The following PARVB variants were observed in gnomAD, a reference collection of about 807,000 sequenced individuals.
PARVB encodes beta-parvin.
A neutral mutation model predicts 47.0 loss-of-function variants in PARVB; 46 were observed. The ratio of observed to expected loss-of-function variants is 0.98; its 90% CI spans 0.77 to 1.25. The LOEUF (loss-of-function observed/expected upper bound fraction) is 1.25, where lower values mean the gene tolerates loss of function less well. Among genes scored for constraint, PARVB ranks in the 50% most tolerant of loss-of-function variants. The pLI is 0.00. For missense variants in PARVB, 473 were observed against 471.6 expected (o/e 1.00, Z -0.03); for synonymous variants, 196 against 196.3 (o/e 1.00, Z 0.01).
At chr22:43,999,434 C>T (rs560289125) in intron 1 of PARVB, 76 of 1,597,472 alleles carry the variant, frequency 4.8e-5, no homozygotes, top group Middle Eastern at 1.7e-4. Flanking sequence ...TTAAACAAAA[C>T]GAATGTTGTT....
In PARVB at chr22:44,133,004, G is replaced by T; in HGVS notation, c.628G>T (p.Val210Leu). 4 of 1,610,348 alleles carry T rather than the reference G, an allele frequency of 2.5e-6. No homozygotes were observed. The highest frequency in any genetic ancestry group is 3.4e-6 in the Non-Finnish European group (4 of 1,177,424). The change falls in exon 6 of 13, where the codon GTG becomes TTG. Residue 210 changes from valine (V) to leucine (L), a missense_variant. By Grantham distance (32) the Val-to-Leu change is conservative. Transcript: ENST00000338758. ...PEHVTVQVVVVRKREGLLHSS... is the reference protein window; with the variant it reads ...PEHVTVQVVVLRKREGLLHSS... ...GCATGTAACGGTGCAGGTGGTGGTCGTGCGGGTGAGTATAACCGAGTGGTC... is the reference window on the plus strand; with the variant it reads ...GCATGTAACGGTGCAGGTGGTGGTCTTGCGGGTGAGTATAACCGAGTGGTC...
At chr22:44,020,210 T>C (rs2050632199), upstream of PARVB, among the ~76,000 whole-genome samples, 2 of 149,302 alleles carry the variant, frequency 1.3e-5, no homozygotes, top group African/African-American at 5.0e-5. Flanking sequence ...AGGGTCTGGC[T>C]CTGTTGCCCA....
In PARVB at chr22:44,060,861, G is replaced by A. The variant is rs563927995; in HGVS notation, c.113-33067G>A. Among the ~76,000 whole-genome samples the A allele has an allele frequency of 3.7e-4, 57 of 152,268 alleles. No individual in the cohort carries two copies. In the South Asian group the frequency reaches 0.011, roughly 29 times the overall value. On this transcript the variant is annotated intron_variant, in intron 1 of 12. Coordinates refer to ENST00000338758, the MANE Select transcript of PARVB (RefSeq NM_013327.5). ...AGCCAATACTGAGCCATCACTCCTA[G>A]GGCAGTACAGCGCTCGGTTCCTGCG...
At chr22:44,133,469 A>C (rs761513259) in intron 6 of PARVB, among the ~76,000 whole-genome samples, 39 of 152,090 alleles carry the variant, frequency 2.6e-4, no homozygotes, top group Non-Finnish European at 3.8e-4. Context: ...TGGAACCAGA[A>C]CCCAGGTCCT....
At chr22:44,023,537 C>CAAAACAAAATAAAATAAAAT (rs1416034853), upstream of PARVB, among the ~76,000 whole-genome samples, 3 of 127,300 alleles carry the variant, frequency 2.4e-5, no homozygotes, top group Non-Finnish European at 3.3e-5. Flanking sequence ...TAAAACAAAA[C>CAAAACAAAATAAAATAAAAT]AAAATAAAAT....
chr22:44,091,763 C>T (rs759504217), intron 1 of PARVB, among the ~76,000 whole-genome samples: 3 of 152,162 alleles, frequency 2.0e-5, no homozygotes, highest in African/African-American at 4.8e-5. Context: ...CAGCAGTGCC[C>T]GAAGGTTCCC....
intron 1 of PARVB, among the ~76,000 whole-genome samples, chr22:44,050,382 T>C (rs979096975): frequency 1.3e-5 from 2 of 151,842 alleles, no homozygotes; most frequent in African/African-American, 4.8e-5. Flanking sequence ...TCGCTCTTGT[T>C]GCCCAGGCTG....
At chr22:44,058,544 C>T (rs1173260219) in intron 1 of PARVB, among the ~76,000 whole-genome samples, 1 of 143,902 alleles carries the variant, frequency 6.9e-6, no homozygotes, top group Non-Finnish European at 1.5e-5. Flanking sequence ...TCCAGGTGGA[C>T]GTGGATTTTT....
At chr22:44,006,285 C>A (rs1435173272) in intron 2 of PARVB, among the ~76,000 whole-genome samples, 1 of 137,512 alleles carries the variant, frequency 7.3e-6, no homozygotes, top group South Asian at 2.4e-4. Context: ...ATCCTAGCAT[C>A]TTACGCCACT....
At chr22:44,053,719 G>T (rs746280075) in intron 1 of PARVB, among the ~76,000 whole-genome samples, 1 of 152,218 alleles carries the variant, frequency 6.6e-6, no homozygotes, top group Non-Finnish European at 1.5e-5. Flanking sequence ...GTAAGTCAGG[G>T]TTCCCACAGC....
chr22:44,069,781 G>A (rs2051614725), intron 1 of PARVB, among the ~76,000 whole-genome samples: 1 of 151,582 alleles, frequency 6.6e-6, no homozygotes, highest in African/African-American at 2.4e-5. Flanking sequence ...CACCCACCTC[G>A]GCCTCCCAAA....
At chr22:44,109,969 C>T (rs1411818427) in intron 3 of PARVB, 2 of 151,038 alleles carry the variant, frequency 1.3e-5, no homozygotes, top group African/African-American at 4.9e-5. Flanking sequence ...AAAAATTAGC[C>T]GGGCGTAGTG....
At chr22:44,024,967 A>AT (rs200050006) in intron 1 of PARVB, among the ~76,000 whole-genome samples, 47 of 150,392 alleles carry the variant, frequency 3.1e-4, no homozygotes, top group African/African-American at 7.6e-4. Flanking sequence ...CCCATTAAAA[A>AT]TTTTTTTTTT....
At chr22:44,064,251 G>A (rs1326593441) in intron 1 of PARVB, among the ~76,000 whole-genome samples, 1 of 152,240 alleles carries the variant, frequency 6.6e-6, no homozygotes, top group Non-Finnish European at 1.5e-5. Flanking sequence ...AAACCCAGCT[G>A]TTTGGAAGCG....
In PARVB at chr22:44,168,238, C is replaced by T. The variant is rs867214846; in HGVS notation, c.1019-364C>T. The T allele has an allele frequency of 3.0e-5, 6 of 200,046 alleles. 1 individual carries two copies. Among genetic ancestry groups the T allele is most frequent in the East Asian group, 2.6e-4 (2 of 7,802 alleles). 12.4% of individuals were successfully genotyped at this position (200,046 alleles called of 1,614,324 possible). ...CTTCCAGGGCCCCAGAGGGAGCTGTCGGGTCCATTAAGTGTTACTGGGGTT... is the reference window on the plus strand; with the variant it reads ...CTTCCAGGGCCCCAGAGGGAGCTGTTGGGTCCATTAAGTGTTACTGGGGTT... On this transcript the variant is annotated intron_variant, in intron 12 of 12. Coordinates refer to ENST00000338758, the MANE Select transcript of PARVB (RefSeq NM_013327.5).
At chr22:44,100,255 GGGCAGACATGTT>G in intron 3 of PARVB, 132 bp downstream of exon 3, 1 of 723,498 alleles carries the variant, frequency 1.4e-6, no homozygotes, top group Non-Finnish European at 2.4e-6. Flanking sequence ...ATGAGAAGGT[GGGCAGACATGTT>G]GGCAGAGGAG....
chr22:44,055,312 C>T (rs1202054748), intron 1 of PARVB, among the ~76,000 whole-genome samples: 1 of 151,916 alleles, frequency 6.6e-6, no homozygotes, highest in African/African-American at 2.4e-5. Flanking sequence ...TCTGGAGAAA[C>T]AGAACCAATG....
chr22:44,136,318 A>G (rs1383686016), intron 6 of PARVB, 142 bp from the exon 7 acceptor site: 1 of 744,046 alleles, frequency 1.3e-6, no homozygotes, highest in Non-Finnish European at 2.4e-6. Context: ...CAGGCCTGGC[A>G]TGCGTGTTCA....
intron 1 of PARVB, among the ~76,000 whole-genome samples, chr22:44,026,709 G>T (rs1324808278): frequency 6.6e-6 from 1 of 152,200 alleles, no homozygotes; most frequent in Non-Finnish European, 1.5e-5. Flanking sequence ...CGCTTGGGAG[G>T]TTTCCACGAC....
Sources: allele counts gnomAD v4.1 joint callset (sites outside exome capture counted in the v4.1 genomes callset), GRCh38; gene constraint gnomAD v4.1.1; transcripts MANE v1.5; gene names NCBI Gene and HGNC (gene_info 2026-07-23, HGNC 2026-07-21).